ZNF793: variants seen among roughly 807,000 people sequenced by gnomAD.
ZNF793 encodes the protein zinc finger protein 793.
ZNF793 carries 5 observed loss-of-function variants against 12.4 expected under a neutral mutation model. That is an observed-to-expected ratio of 0.40 (90% CI 0.21 to 0.84). The LOEUF (loss-of-function observed/expected upper bound fraction) is 0.84. ZNF793 is among the 40% of genes least tolerant of loss of function. The probability of loss-of-function intolerance (pLI) is 0.35; values close to 1 mark genes in which losing one functional copy is unlikely to be tolerated. For synonymous variants in ZNF793, 162 were observed against 172.4 expected (o/e 0.94, Z 0.47); for missense variants, 456 against 495.0 (o/e 0.92, Z 0.75).
At chr19:37,524,675 G>T (rs17244041) in intron 5 of ZNF793, among the ~76,000 whole-genome samples, 4,110 of 152,302 alleles carry the variant, frequency 0.027, 103 homozygotes, top group South Asian at 0.1. Flanking sequence ...GAAAAGCACA[G>T]CCTCTCACAG....
At chr19:37,530,922 G>A (rs1471978646) in intron 5 of ZNF793, among the ~76,000 whole-genome samples, 2 of 152,042 alleles carry the variant, frequency 1.3e-5, no homozygotes, top group African/African-American at 4.8e-5. Context: ...GTGCTAGTGT[G>A]GATGAATGGA....
chr19:37,541,538 G>A lies in ZNF793; in HGVS notation c.*3659G>A, dbSNP rs1284547754. The A allele has an allele frequency of 6.6e-6, 1 of 152,330 alleles. No individual in the cohort carries two copies. The highest frequency in any genetic ancestry group is 6.5e-5 in the Admixed American group (1 of 15,272). The allele number at this position is 152,330 out of a possible 1,614,324, so 9.4% of individuals were successfully genotyped here. ...CACTAAAAATACAAAAATTAGCTGGGTGTGGTGGCACATGCCTGTAGTCCC... is the reference window on the plus strand; with the variant it reads ...CACTAAAAATACAAAAATTAGCTGGATGTGGTGGCACATGCCTGTAGTCCC... On this transcript the variant is annotated 3_prime_UTR_variant, in exon 8 of 8. Coordinates refer to ENST00000627814, the MANE Select transcript of ZNF793 (RefSeq NM_001013659.3).
At chr19:37,522,208 A>G (rs1277826989) in intron 3 of ZNF793, among the ~76,000 whole-genome samples, 1 of 151,876 alleles carries the variant, frequency 6.6e-6, no homozygotes, top group African/African-American at 2.4e-5. Flanking sequence ...GCTTTTTCTT[A>G]TTTTTTGAGA....
At chr19:37,528,085 C>T (rs1033913012) in intron 5 of ZNF793, among the ~76,000 whole-genome samples, 2 of 151,990 alleles carry the variant, frequency 1.3e-5, no homozygotes, top group Non-Finnish European at 2.9e-5. Context: ...GCCGAGACTG[C>T]GCCACTGCAC....
intron 2 of ZNF793, among the ~76,000 whole-genome samples, chr19:37,510,181 C>T (rs550338046): frequency 6.3e-4 from 95 of 151,918 alleles, no homozygotes; most frequent in African/African-American, 1.3e-3. Flanking sequence ...CGCAACATAG[C>T]GAAACTCCAT....
intron 5 of ZNF793, among the ~76,000 whole-genome samples, chr19:37,528,013 T>G (rs1054667836): frequency 6.6e-6 from 1 of 151,060 alleles, no homozygotes; most frequent in Non-Finnish European, 1.5e-5. Flanking sequence ...CCTGTAGTCC[T>G]AGCTACTCAG....
At chr19:37,532,257 G>A in intron 5 of ZNF793, 99 bp from the exon 6 acceptor site, 3 of 1,384,538 alleles carry the variant, frequency 2.2e-6, no homozygotes, top group Non-Finnish European at 3.0e-6. Flanking sequence ...TCCCACCTTG[G>A]CCTCCCAAAG....
rs74808464 is a variant in ZNF793 at position 37,539,697 on chromosome 19, T to A, written c.*1818T>A. On this transcript the variant is annotated 3_prime_UTR_variant, in exon 8 of 8. Coordinates refer to ENST00000627814, the MANE Select transcript of ZNF793 (RefSeq NM_001013659.3). ...ATACAACTCTAATCAACATATTTTTTAAAAAGAGGAGGTGGATGCTTTTCT... is the reference window on the plus strand; with the variant it reads ...ATACAACTCTAATCAACATATTTTTAAAAAAGAGGAGGTGGATGCTTTTCT... The A allele has an allele frequency of 5.3e-5, 8 of 152,238 alleles. No individual in the cohort carries two copies. The East Asian group carries it at 1.3e-3, about 26-fold the overall frequency. The allele number at this position is 152,238 out of a possible 1,614,324, so 9.4% of individuals were successfully genotyped here. A position where few individuals can be genotyped will look rare whatever the true frequency, so the allele number is the denominator to read the frequency against.
In ZNF793 at chr19:37,533,373, G is replaced by A. The variant is rs1406245094; in HGVS notation, c.208G>A (p.Glu70Lys). 6.2e-7 allele frequency: 1 copy of A among 1,613,854 alleles called. No individual in the cohort carries two copies. Among genetic ancestry groups the A allele is most frequent in the Admixed American group, 1.7e-5 (1 of 60,002 alleles). ...GCAGGAAGAAGCACCATGGATTGGT[G>A]AGGCAGCATGCCCGGGCTGCCACTG... ...LEQEEAPWIG[E>K]AACPGCHCWE... Residue 70 changes from glutamate to lysine, a missense_variant, in exon 7 of 8, where the codon GAG becomes AAG. Physicochemically the swap from Glu to Lys is moderately conservative, Grantham distance 56. Transcript: ENST00000627814.
rs1243591669 is a variant in ZNF793 at position 37,540,667 on chromosome 19, G to T, written c.*2788G>T. 1 of 151,700 alleles carries T rather than the reference G, an allele frequency of 6.6e-6. No homozygotes were observed. The highest frequency in any genetic ancestry group is 1.5e-5 in the Non-Finnish European group (1 of 67,888). 9.4% of individuals were successfully genotyped at this position (151,700 alleles called of 1,614,324 possible). A position where few individuals can be genotyped will look rare whatever the true frequency, so the allele number is the denominator to read the frequency against. ...GAGATTCCAGTGAAGGCAATAAAAA[G>T]AAATGAATTGGTATAAACAGCAGAA... On this transcript the variant is annotated 3_prime_UTR_variant, in exon 8 of 8. Transcript: ENST00000627814.
Position 37,538,668 on chromosome 19 carries a change from A to T in ZNF793, c.*789A>T, listed in dbSNP as rs2042531633. On this transcript the variant is annotated 3_prime_UTR_variant, in exon 8 of 8. Coordinates refer to ENST00000627814, the MANE Select transcript of ZNF793 (RefSeq NM_001013659.3). The stretch of plus-strand genomic sequence containing the variant: ...TGTGATACAAACTTTTCTAGAAAAT[A>T]CTTTCTCAAACATAAGCATGGACAC... The T allele has an allele frequency of 6.6e-6, 1 of 152,252 alleles. No individual in the cohort carries two copies. Among genetic ancestry groups the T allele is most frequent in the African/African-American group, 2.4e-5 (1 of 41,458 alleles). The allele number at this position is 152,252 out of a possible 1,614,324, so 9.4% of individuals were successfully genotyped here.
chr19:37,538,754 G>A lies in ZNF793; in HGVS notation c.*875G>A, dbSNP rs559685641. The A allele has an allele frequency of 6.6e-6, 1 of 152,356 alleles. No homozygotes were observed. The highest frequency in any genetic ancestry group is 1.5e-5 in the Non-Finnish European group (1 of 68,040). 9.4% of individuals were successfully genotyped at this position (152,356 alleles called of 1,614,324 possible). ...AATAACAGCAGAATACAAAATATCT[G>A]TGAAGAGACTTAAAGGCATACTCTG... On this transcript the variant is annotated 3_prime_UTR_variant, in exon 8 of 8. Transcript: ENST00000627814.
chr19:37,515,552 C>A (rs1051366292), intron 2 of ZNF793, among the ~76,000 whole-genome samples: 2 of 152,158 alleles, frequency 1.3e-5, no homozygotes, highest in Non-Finnish European at 2.9e-5. Flanking sequence ...TTGTGATCCG[C>A]CCACCTCGGC....
At chr19:37,521,607 C>G (rs2042377008) in intron 3 of ZNF793, among the ~76,000 whole-genome samples, 1 of 151,546 alleles carries the variant, frequency 6.6e-6, no homozygotes, top group Admixed American at 6.6e-5. Context: ...CCACGCCTGG[C>G]TAATTTTGTA....
chr19:37,532,972 G>A (rs1182835564), intron 6 of ZNF793, among the ~76,000 whole-genome samples: 3 of 152,130 alleles, frequency 2.0e-5, no homozygotes, highest in African/African-American at 7.2e-5. Context: ...TTATGAGGTA[G>A]TTACTATTAG....
Position 37,537,404 on chromosome 19 carries a change from A to T in ZNF793, c.746A>T (p.His249Leu). 1.2e-6 allele frequency: 2 copies of T among 1,613,116 alleles called. No homozygotes were observed. The change falls in exon 8 of 8, where the codon CAC (histidine) becomes CTC (leucine). Residue 249 changes from histidine to leucine, a missense_variant. Coordinates refer to ENST00000627814, the MANE Select transcript of ZNF793 (RefSeq NM_001013659.3). ...GAATTCATTAGGCATCAGAGAAGTC[A>T]CACTGGGGAGAAGCCTTATGGCTGC... is the stretch of plus-strand genomic sequence containing the variant. ...KSEFIRHQRS[H>L]TGEKPYGCTD...
intron 2 of ZNF793, among the ~76,000 whole-genome samples, chr19:37,516,688 C>T (rs1375997494): frequency 6.6e-6 from 1 of 151,964 alleles, no homozygotes; most frequent in Non-Finnish European, 1.5e-5. Context: ...GCTCTGTCAC[C>T]CACACTGGAG....
intron 1 of ZNF793, among the ~76,000 whole-genome samples, chr19:37,507,874 A>G (rs750813949): frequency 2.0e-4 from 31 of 152,212 alleles, no homozygotes; most frequent in Non-Finnish European, 4.0e-4. Flanking sequence ...ATCAGTGACT[A>G]TGAAAACCTC....
chr19:37,512,956 A>G (rs1190881061), intron 2 of ZNF793, among the ~76,000 whole-genome samples: 1 of 151,874 alleles, frequency 6.6e-6, no homozygotes, highest in Non-Finnish European at 1.5e-5. Context: ...TTTAACTTTG[A>G]CATGTATGAG....
Sources: gnomAD v4.1 joint callset for allele counts (sites outside exome capture counted in the v4.1 genomes callset) on GRCh38, gnomAD v4.1.1 for gene constraint, MANE v1.5 for transcripts, NCBI Gene and HGNC (gene_info 2026-07-23, HGNC 2026-07-21) for gene names.